The following ATXN10 variants were observed in gnomAD, a reference collection of about 807,000 sequenced individuals.
The protein encoded by ATXN10 is ataxin-10.
ATXN10 carries 28 observed loss-of-function variants against 52.9 expected under a neutral mutation model. That is an observed-to-expected ratio of 0.53 (90% CI 0.39 to 0.73). The LOEUF (loss-of-function observed/expected upper bound fraction) is 0.73. Ranked by LOEUF, ATXN10 falls within the 30% of genes least tolerant of loss-of-function variation. The pLI, the probability that ATXN10 is intolerant of heterozygous loss-of-function variation, is 0.00. For missense variants in ATXN10, 565 were observed against 577.0 expected (o/e 0.98, Z 0.21); for synonymous variants, 226 against 221.5 (o/e 1.02, Z -0.18).
At chr22:45,680,524 A>C (rs962236287) in intron 1 of ATXN10, among the ~76,000 whole-genome samples, 2 of 152,124 alleles carry the variant, frequency 1.3e-5, no homozygotes, top group Non-Finnish European at 2.9e-5. Context: ...CTGAACTGTC[A>C]TCCCTTTAAG....
rs931066171 is a variant in ATXN10 at position 45,762,250 on chromosome 22, G to A, written c.1173+21712G>A. ...TGTCTGTTTCCCCTGACCAGCGTGC[G>A]TTTCTTTCTGGAGGCGCAGGGACCT... On this transcript the variant is annotated intron_variant, in intron 9 of 11. Transcript: ENST00000252934. This position sits in a 1 kb window ranked among gnomAD's most constrained non-coding sequence, Gnocchi z 4.3. Among the ~76,000 whole-genome samples, 1 of 152,292 alleles carries A rather than the reference G, an allele frequency of 6.6e-6. No individual in the cohort carries two copies. Among genetic ancestry groups the A allele is most frequent in the African/African-American group, 2.4e-5 (1 of 41,558 alleles).
rs1416879393 is a variant in ATXN10 at position 45,780,114 on chromosome 22, C to T, written c.1174-26845C>T. Reference sequence around the variant, plus strand: ...TTTTTTTTTTTTTGAGACGGAGTCTCGTTGTGTCACCCAGGCTGGAGTGCA... The same window carrying T: ...TTTTTTTTTTTTTGAGACGGAGTCTTGTTGTGTCACCCAGGCTGGAGTGCA... On this transcript the variant is annotated intron_variant, in intron 9 of 11. Transcript: ENST00000252934. This position sits in a 1 kb window ranked among gnomAD's most constrained non-coding sequence, Gnocchi z 4.0. Among the ~76,000 whole-genome samples the T allele has an allele frequency of 2.0e-5, 3 of 149,920 alleles. No homozygotes were observed. Among genetic ancestry groups the T allele is most frequent in the South Asian group, 2.1e-4 (1 of 4,776 alleles).
At chr22:45,719,004 T>C (rs1055681386) in intron 6 of ATXN10, among the ~76,000 whole-genome samples, 1 of 151,884 alleles carries the variant, frequency 6.6e-6, no homozygotes, top group Non-Finnish European at 1.5e-5. Context: ...GCTGTGATTA[T>C]AGTTCTTTAT....
intron 7 of ATXN10, 35 bp downstream of exon 7, chr22:45,729,625 GA>G: frequency 6.2e-7 from 1 of 1,611,048 alleles, no homozygotes; most frequent in Non-Finnish European, 8.5e-7. Context: ...TCGGGTAAAA[GA>G]GAATGGACAG....
At chr22:45,675,991 TA>T (rs1455415722) in intron 1 of ATXN10, 3 of 152,280 alleles carry the variant, frequency 2.0e-5, no homozygotes, top group Non-Finnish European at 2.9e-5. Context: ...GATATCACCG[TA>T]TTTCACATTT....
chr22:45,704,938 T>C (rs1260393509), intron 5 of ATXN10, among the ~76,000 whole-genome samples: 4 of 152,230 alleles, frequency 2.6e-5, no homozygotes, highest in Non-Finnish European at 2.9e-5. Context: ...ACTTTTCTTC[T>C]ACTTCTACTG....
Position 45,841,839 on chromosome 22 carries a change from T to C in ATXN10, c.1238-1152T>C, listed in dbSNP as rs1467995901. Among the ~76,000 whole-genome samples, 3 of 152,196 alleles carry C rather than the reference T, an allele frequency of 2.0e-5. No individual in the cohort carries two copies. The highest frequency in any genetic ancestry group is 4.4e-5 in the Non-Finnish European group (3 of 68,026). ...GGAGCTAGAAATGTCTCAGAACTGG[T>C]CCACAGCGTTGCACAGGGGTGTTCA... is the stretch of plus-strand genomic sequence containing the variant. On this transcript the variant is annotated intron_variant, in intron 10 of 11. Coordinates refer to ENST00000252934, the MANE Select transcript of ATXN10 (RefSeq NM_013236.4). The surrounding 1 kb of genome is among the most constrained non-coding windows in gnomAD (Gnocchi z 5.1).
At chr22:45,804,734 A>T (rs1400172258) in intron 9 of ATXN10, among the ~76,000 whole-genome samples, 1 of 152,214 alleles carries the variant, frequency 6.6e-6, no homozygotes, top group Non-Finnish European at 1.5e-5. Flanking sequence ...TTAATTTTTT[A>T]AAAGTAGATA....
chr22:45,702,016 A>AT (rs1923859844), intron 4 of ATXN10, among the ~76,000 whole-genome samples: 1 of 152,212 alleles, frequency 6.6e-6, no homozygotes, highest in Non-Finnish European at 1.5e-5. Flanking sequence ...ATATAACCAA[A>AT]TTTGAATTCC....
Position 45,732,935 on chromosome 22 carries a change from A to G in ATXN10, c.894+3345A>G, listed in dbSNP as rs1186771649. ...GAATGGAAACAGTTGTATTTATAGCATGTGTTTTTTAATTTATGTAATTGT... is the reference window on the plus strand; with the variant it reads ...GAATGGAAACAGTTGTATTTATAGCGTGTGTTTTTTAATTTATGTAATTGT... On this transcript the variant is annotated intron_variant, in intron 7 of 11. Transcript: ENST00000252934. The surrounding 1 kb of genome is among the most constrained non-coding windows in gnomAD (Gnocchi z 4.5). Among the ~76,000 whole-genome samples the G allele has an allele frequency of 6.6e-6, 1 of 152,200 alleles. No individual in the cohort carries two copies. Among genetic ancestry groups the G allele is most frequent in the East Asian group, 1.9e-4 (1 of 5,198 alleles).
At chr22:45,719,943 C>T (rs894168868) in intron 6 of ATXN10, among the ~76,000 whole-genome samples, 10 of 152,158 alleles carry the variant, frequency 6.6e-5, no homozygotes. Context: ...TCTTATTCTT[C>T]ATTCCACATT....
intron 9 of ATXN10, among the ~76,000 whole-genome samples, chr22:45,764,016 C>A (rs1181998697): frequency 6.6e-6 from 1 of 152,168 alleles, no homozygotes; most frequent in Non-Finnish European, 1.5e-5. Context: ...CAGCCAGTTT[C>A]TCCCCGGCCT....
rs1929353673 is a variant in ATXN10 at position 45,841,812 on chromosome 22, G to T, written c.1238-1179G>T. Among the ~76,000 whole-genome samples the T allele has an allele frequency of 6.6e-6, 1 of 152,166 alleles. No homozygotes were observed. The highest frequency in any genetic ancestry group is 2.1e-4 in the South Asian group (1 of 4,830). ...TTCTCTGTGTTCTCATGCCATGTTG[G>T]GGGAGCTAGAAATGTCTCAGAACTG... On this transcript the variant is annotated intron_variant, in intron 10 of 11. Coordinates refer to ENST00000252934, the MANE Select transcript of ATXN10 (RefSeq NM_013236.4). This position sits in a 1 kb window ranked among gnomAD's most constrained non-coding sequence, Gnocchi z 5.1.
At chr22:45,798,011 T>C (rs944017129) in intron 9 of ATXN10, among the ~76,000 whole-genome samples, 2 of 152,180 alleles carry the variant, frequency 1.3e-5, no homozygotes, top group African/African-American at 4.8e-5. Context: ...GATAAATATT[T>C]TTAAAAATTA....
chr22:45,802,599 T>C (rs17653469), intron 9 of ATXN10, among the ~76,000 whole-genome samples: 7,112 of 152,326 alleles, frequency 0.047, 202 homozygotes, highest in Non-Finnish European at 0.06. Flanking sequence ...TGAACTTCTA[T>C]AAATGGTTCC....
intron 8 of ATXN10, among the ~76,000 whole-genome samples, chr22:45,739,209 A>T (rs1569043763): frequency 6.6e-6 from 1 of 152,194 alleles, no homozygotes. Flanking sequence ...GTGGCAGTAA[A>T]TTTTTCCCAT....
rs1286007993 is a variant in ATXN10 at position 45,825,835 on chromosome 22, C to G, written c.1238-17156C>G. ...TGGCTGACACCAGTAATCCCAGCAC[C>G]TACCAGGGCAGATGGCTTGAGCTCA... On this transcript the variant is annotated intron_variant, in intron 10 of 11. Coordinates refer to ENST00000252934, the MANE Select transcript of ATXN10 (RefSeq NM_013236.4). This position sits in a 1 kb window ranked among gnomAD's most constrained non-coding sequence, Gnocchi z 4.5. Among the ~76,000 whole-genome samples, 2 of 152,174 alleles carry G rather than the reference C, an allele frequency of 1.3e-5. No homozygotes were observed. The highest frequency in any genetic ancestry group is 4.8e-5 in the African/African-American group (2 of 41,444).
intron 10 of ATXN10, among the ~76,000 whole-genome samples, chr22:45,832,526 T>G (rs779300926): frequency 1.4e-4 from 22 of 152,248 alleles, no homozygotes; most frequent in Non-Finnish European, 3.2e-4. Context: ...ACTTTGTTTT[T>G]TGGTTTAGGG....
intron 10 of ATXN10, among the ~76,000 whole-genome samples, chr22:45,811,529 T>G (rs976007464): frequency 6.6e-6 from 1 of 152,254 alleles, no homozygotes; most frequent in Non-Finnish European, 1.5e-5. Flanking sequence ...CATTGTATTA[T>G]AGGCACCTAC....
Sources: allele counts gnomAD v4.1 joint callset (sites outside exome capture counted in the v4.1 genomes callset), GRCh38; gene constraint gnomAD v4.1.1; non-coding constraint Gnocchi (gnomAD v3.1); transcripts MANE v1.5; gene names NCBI Gene and HGNC (gene_info 2026-07-23, HGNC 2026-07-21).